Variants in ALDH4A1 observed in about 807,000 individuals in gnomAD.
ALDH4A1 encodes the protein delta-1-pyrroline-5-carboxylate dehydrogenase, mitochondrial.
A neutral mutation model predicts 70.5 loss-of-function variants in ALDH4A1; 46 were observed. The ratio of observed to expected loss-of-function variants is 0.65; its 90% CI spans 0.51 to 0.83. The LOEUF is 0.83. Ranked by LOEUF, ALDH4A1 falls within the 40% of genes least tolerant of loss-of-function variation. The pLI is 0.00. For synonymous variants in ALDH4A1, 323 were observed against 324.3 expected (o/e 1.00, Z 0.04); for missense variants, 749 against 766.5 (o/e 0.98, Z 0.27).
In ALDH4A1 at chr1:18,897,213, C is replaced by T. The variant is rs557452489; in HGVS notation, c.62+5249G>A. 2.2e-3 allele frequency: 951 copies of T among 425,952 alleles called. 13 individuals carry two copies. Among genetic ancestry groups the T allele is most frequent in the South Asian group, 0.012 (708 of 57,732 alleles). The allele number at this position is 425,952 out of a possible 1,614,324, so 26.4% of individuals were successfully genotyped here. A position where few individuals can be genotyped will look rare whatever the true frequency, so the allele number is the denominator to read the frequency against. ...TGGGAGTAGGGATGCTCAACTTGTT[C>T]GGCAAATTCTCCAAAATCCAAGCAA... is the stretch of plus-strand genomic sequence containing the variant. On this transcript the variant is annotated intron_variant, in intron 1 of 14. Transcript: ENST00000375341.
At chr1:18,881,929 C>T in intron 7 of ALDH4A1, 42 bp from the exon 8 acceptor site, 1 of 1,578,844 alleles carries the variant, frequency 6.3e-7, no homozygotes, top group Non-Finnish European at 8.6e-7. Flanking sequence ...GATGGCGCCA[C>T]CAGCCCCCAA....
At position 18,872,467 on chromosome 1, in the gene ALDH4A1, T is replaced by C. The variant is rs1053458728; in HGVS notation, c.*378A>G. 5.3e-6 allele frequency: 1 copy of C among 189,168 alleles called. No homozygotes were observed. Among genetic ancestry groups the C allele is most frequent in the Non-Finnish European group, 1.1e-5 (1 of 90,464 alleles). 11.7% of individuals were successfully genotyped at this position (189,168 alleles called of 1,614,324 possible). On this transcript the variant is annotated 3_prime_UTR_variant, in exon 15 of 15. Coordinates refer to ENST00000375341, the MANE Select transcript of ALDH4A1 (RefSeq NM_003748.4). ...GATCAAGGCCAGGAGCCTCTGTGAG[T>C]GGTGAGGTTTGCCAAGGGGCCCAGA...
Position 18,883,201 on chromosome 1 carries a change from G to A in ALDH4A1, c.604-3C>T. ...GGCGAGATGGCCGCCACGAAGCCCT[G>A]GGGAAGGAGGCAGCGGTGAGATCAG... On this transcript the variant is annotated splice_polypyrimidine_tract_variant and splice_region_variant and intron_variant, in intron 6 of 14. Coordinates refer to ENST00000375341, the MANE Select transcript of ALDH4A1 (RefSeq NM_003748.4). The A allele has an allele frequency of 6.2e-7, 1 of 1,613,182 alleles. No individual in the cohort carries two copies. The highest frequency in any genetic ancestry group is 8.5e-7 in the Non-Finnish European group (1 of 1,180,034).
Position 18,885,620 on chromosome 1 carries a change from G to A in ALDH4A1, c.306C>T (p.Leu102=). The A allele has an allele frequency of 6.2e-7, 1 of 1,613,976 alleles. No homozygotes were observed. Among genetic ancestry groups the A allele is most frequent in the Non-Finnish European group, 8.5e-7 (1 of 1,180,016 alleles). ...AKFCYADKSL[L]NKAIEAALAA... ...CCAGGGCAGCCTCAATGGCTTTGTT[G>A]AGCAGGCTCTAAAGGGAGAGGGAGA... The change falls in exon 5 of 15, where the codon CTC becomes CTT. Residue 102 remains leucine (L), a synonymous_variant. Transcript: ENST00000375341.
At chr1:18,891,638 G>C (rs191372219) in intron 1 of ALDH4A1, among the ~76,000 whole-genome samples, 27 of 152,286 alleles carry the variant, frequency 1.8e-4, no homozygotes, top group African/African-American at 6.0e-4. Context: ...AGAAAGTGGG[G>C]GTGAGGCTGA....
chr1:18,894,865 C>CTTTTTTTTTTTT (rs34445898), intron 1 of ALDH4A1, among the ~76,000 whole-genome samples: 83 of 109,886 alleles, frequency 7.6e-4, no homozygotes, highest in South Asian at 9.0e-4. Context: ...TTCTTTCTTT[C>CTTTTTTTTTTTT]TTTTTTTTTT....
Position 18,872,869 on chromosome 1 carries a change from G to T in ALDH4A1, c.1668C>A (p.Asp556Glu). The T allele has an allele frequency of 6.2e-7, 1 of 1,614,020 alleles. No individual in the cohort carries two copies. Among genetic ancestry groups the T allele is most frequent in the Non-Finnish European group, 8.5e-7 (1 of 1,179,992 alleles). ...CTCACTGCATGTACGCGTAGCTCCA[G>T]TCCCCCAGGGGCTTATGTGTCTCCT... The part of the protein sequence containing the change: ...VIKETHKPLG[D>E]WSYAYMQ The change falls in exon 15 of 15, where the codon GAC becomes GAA. Residue 556 changes from aspartate (D) to glutamate (E), a missense_variant. Physicochemically the swap from Asp to Glu is conservative, Grantham distance 45 (BLOSUM62 2). Coordinates refer to ENST00000375341, the MANE Select transcript of ALDH4A1 (RefSeq NM_003748.4).
intron 13 of ALDH4A1, 95 bp downstream of exon 13, chr1:18,875,287 A>G: frequency 6.3e-7 from 1 of 1,589,332 alleles, no homozygotes. Flanking sequence ...AGGTAGGGGC[A>G]GCATTATTAC....
intron 1 of ALDH4A1, among the ~76,000 whole-genome samples, chr1:18,891,515 T>C (rs866783396): frequency 2.0e-5 from 3 of 151,938 alleles, no homozygotes; most frequent in African/African-American, 4.8e-5. Flanking sequence ...ACACACAGCG[T>C]AGGGAACCAC....
intron 7 of ALDH4A1, 157 bp downstream of exon 7, chr1:18,882,967 G>A (rs1309278756): frequency 2.4e-5 from 23 of 966,212 alleles, no homozygotes; most frequent in Non-Finnish European, 3.6e-5. Flanking sequence ...CTGGGTCTCT[G>A]GTCCCAAAGC....
At chr1:18,892,378 T>C (rs1396995003) in intron 1 of ALDH4A1, among the ~76,000 whole-genome samples, 1 of 151,782 alleles carries the variant, frequency 6.6e-6, no homozygotes, top group East Asian at 1.9e-4. Context: ...TGACCTTCAG[T>C]GTGAGGCCTG....
At chr1:18,892,565 G>C (rs535810526) in intron 1 of ALDH4A1, among the ~76,000 whole-genome samples, 17 of 151,604 alleles carry the variant, frequency 1.1e-4, no homozygotes, top group South Asian at 2.1e-4. Context: ...AGGCGGGGGG[G>C]GGCTGAGAGG....
intron 5 of ALDH4A1, 32 bp downstream of exon 5, chr1:18,885,441 G>GGGCCCCC: frequency 4.7e-6 from 2 of 423,746 alleles, no homozygotes; most frequent in Non-Finnish European, 7.7e-6. Context: ...ACCCCACCCC[G>GGGCCCCC]CCCCACCCAC....
At chr1:18,885,436 A>ACCCCCCCCCCCCCCCCCCCC in intron 5 of ALDH4A1, 37 bp downstream of exon 5, 4 of 386,870 alleles carry the variant, frequency 1.0e-5, no homozygotes, top group East Asian at 4.5e-5. Flanking sequence ...CTCCCACCCC[A>ACCCCCCCCCCCCCCCCCCCC]CCCCGCCCCA....
At position 18,872,661 on chromosome 1, in the gene ALDH4A1, C is replaced by G; in HGVS notation, c.*184G>C. 3.4e-6 allele frequency: 2 copies of G among 584,314 alleles called. No individual in the cohort carries two copies. Among genetic ancestry groups the G allele is most frequent in the Non-Finnish European group, 6.1e-6 (2 of 327,088 alleles). 36.2% of individuals were successfully genotyped at this position (584,314 alleles called of 1,614,324 possible). On this transcript the variant is annotated 3_prime_UTR_variant, in exon 15 of 15. Coordinates refer to ENST00000375341, the MANE Select transcript of ALDH4A1 (RefSeq NM_003748.4). ...GTAGTGGCCATGTTCCTCCCCAGCACGATCTCAAACCAGAGCCTGAGGCAT... is the reference window on the plus strand; with the variant it reads ...GTAGTGGCCATGTTCCTCCCCAGCAGGATCTCAAACCAGAGCCTGAGGCAT...
chr1:18,883,271 G>A lies in ALDH4A1; in HGVS notation c.603+8C>T. On this transcript the variant is annotated splice_region_variant and intron_variant, in intron 6 of 14. Coordinates refer to ENST00000375341, the MANE Select transcript of ALDH4A1 (RefSeq NM_003748.4). ...CCCGCCTGCTCGCCCACTGCCTCCTGCAGGTACCTCCAGACCCCGGTACAC... is the reference window on the plus strand; with the variant it reads ...CCCGCCTGCTCGCCCACTGCCTCCTACAGGTACCTCCAGACCCCGGTACAC... 4 of 1,613,176 alleles carry A rather than the reference G, an allele frequency of 2.5e-6. No individual in the cohort carries two copies. Among genetic ancestry groups the A allele is most frequent in the Admixed American group, 1.7e-5 (1 of 60,014 alleles).
chr1:18,890,326 G>A (rs918317787), intron 1 of ALDH4A1: 4 of 514,504 alleles, frequency 7.8e-6, no homozygotes, highest in Non-Finnish European at 1.4e-5. Context: ...CAAATCACTT[G>A]AGGTCAGGAG....
rs1934631684 is a variant in ALDH4A1 at position 18,875,388 on chromosome 1, T to C, written c.1454A>G (p.Gln485Arg). The C allele has an allele frequency of 1.2e-6, 2 of 1,614,150 alleles. No individual in the cohort carries two copies. The highest frequency in any genetic ancestry group is 2.7e-5 in the African/African-American group (2 of 75,050). The part of the protein sequence containing the change: ...SYGLTGAVFS[Q>R]DKDVVQEATK... ...CTGCGGCCTGGCCACTCACTTATCC[T>C]GGGAGAACACTGCCCCCGTGAGGCC... The change falls in exon 13 of 15, where the codon CAG becomes CGG. Residue 485 changes from glutamine to arginine, a missense_variant. Transcript: ENST00000375341.
intron 9 of ALDH4A1, among the ~76,000 whole-genome samples, chr1:18,878,063 G>T (rs755101095): frequency 1.3e-5 from 2 of 151,964 alleles, no homozygotes; most frequent in Non-Finnish European, 2.9e-5. Context: ...TCCTCCCCAC[G>T]CGTGCTGGAA....
Sources: allele counts gnomAD v4.1 joint callset (sites outside exome capture counted in the v4.1 genomes callset), GRCh38; gene constraint gnomAD v4.1.1; transcripts MANE v1.5; gene names NCBI Gene and HGNC (gene_info 2026-07-23, HGNC 2026-07-21).